Variants in KCNK9 observed in about 807,000 individuals in gnomAD.
KCNK9 encodes potassium channel subfamily K member 9.
A neutral mutation model predicts 10.8 loss-of-function variants in KCNK9; 1 was observed. The observed-to-expected ratio is 0.09, with a 90% confidence interval of 0.03 to 0.44. The LOEUF (loss-of-function observed/expected upper bound fraction) is 0.44. KCNK9 is among the 20% of genes least tolerant of loss of function. KCNK9 has a pLI of 0.97. For missense variants in KCNK9, 303 were observed against 515.0 expected, an observed-to-expected ratio of 0.59 and a Z score of 3.98; for synonymous variants, 231 against 222.7, an observed-to-expected ratio of 1.04 and a Z score of -0.33.
At chr8:139,663,831 C>T (rs1323801846) in intron 1 of KCNK9, among the ~76,000 whole-genome samples, 5 of 152,142 alleles carry the variant, frequency 3.3e-5, no homozygotes, top group Non-Finnish European at 5.9e-5. Flanking sequence ...CATTAGCAAA[C>T]GATTGCTGTC....
rs191966170 is a variant in KCNK9 at position 139,664,326 on chromosome 8, A to G, written c.283+38384T>C. On this transcript the variant is annotated intron_variant, in intron 1 of 1. Coordinates refer to ENST00000520439, the MANE Select transcript of KCNK9 (RefSeq NM_001282534.2). ...CTGCTGGTTCCACTCTTCAGCATGA[A>G]TCCTGCTGGTCCAGGGAGCTGCTCT... 1.7e-3 allele frequency among the ~76,000 whole-genome samples: 265 copies of G among 152,176 alleles called. 1 individual carries two copies. The highest frequency in any genetic ancestry group is 3.2e-3 in the Non-Finnish European group (217 of 68,012).
Position 139,685,793 on chromosome 8 carries a change from T to C in KCNK9, c.283+16917A>G, listed in dbSNP as rs189669798. ...CATGATTTATAACCCTTTGGGTATA[T>C]ACCCAGTAATGGCATTGCTGGGTCA... On this transcript the variant is annotated intron_variant, in intron 1 of 1. Coordinates refer to ENST00000520439, the MANE Select transcript of KCNK9 (RefSeq NM_001282534.2). Among the ~76,000 whole-genome samples, 146 of 152,358 alleles carry C rather than the reference T, an allele frequency of 9.6e-4. 2 individuals are homozygous for C. The highest frequency in any genetic ancestry group is 1.6e-3 in the Non-Finnish European group (112 of 68,036).
intron 1 of KCNK9, among the ~76,000 whole-genome samples, chr8:139,623,782 A>C (rs1472413504): frequency 6.6e-6 from 1 of 152,120 alleles, no homozygotes; most frequent in East Asian, 1.9e-4. Flanking sequence ...GGGGTCACTT[A>C]TCCCTTTGGC....
intron 1 of KCNK9, among the ~76,000 whole-genome samples, chr8:139,622,617 C>T (rs753642265): frequency 4.6e-5 from 7 of 152,196 alleles, no homozygotes; most frequent in Non-Finnish European, 5.9e-5. Flanking sequence ...TTGCTTCCCC[C>T]CAAACCTGCC....
intron 1 of KCNK9, among the ~76,000 whole-genome samples, chr8:139,658,476 C>A (rs184188637): frequency 3.3e-5 from 5 of 152,332 alleles, no homozygotes; most frequent in Non-Finnish European, 2.9e-5. Context: ...TCACGCCTGA[C>A]TTCCCTGCTG....
intron 2 of KCNK9, among the ~76,000 whole-genome samples, chr8:139,605,617 C>G (rs1292132895): frequency 2.6e-5 from 4 of 152,110 alleles, no homozygotes; most frequent in Non-Finnish European, 2.9e-5. Flanking sequence ...TGAAGAAAGA[C>G]CAAGATACAT....
chr8:139,658,776 GGC>G (rs1563739117), intron 1 of KCNK9, among the ~76,000 whole-genome samples: 4 of 152,230 alleles, frequency 2.6e-5, no homozygotes, highest in African/African-American at 4.8e-5. Flanking sequence ...CCAAGTGCAG[GGC>G]CAGTGTCCAG....
At chr8:139,672,738 C>T (rs75202596) in intron 1 of KCNK9, among the ~76,000 whole-genome samples, 5,771 of 152,302 alleles carry the variant, frequency 0.038, 223 homozygotes, top group African/African-American at 0.098. Context: ...GTCCTGTTTC[C>T]TCTCCAGAGA....
chr8:139,635,966 A>C (rs1255635450), intron 1 of KCNK9, among the ~76,000 whole-genome samples: 1 of 152,202 alleles, frequency 6.6e-6, no homozygotes, highest in South Asian at 2.1e-4. Flanking sequence ...CTTCAAGTAG[A>C]TGTGGCATGT....
intron 1 of KCNK9, among the ~76,000 whole-genome samples, chr8:139,689,643 AT>A (rs35831003): frequency 0.38 from 50,344 of 133,728 alleles, 8,982 homozygotes; most frequent in East Asian, 0.71. Flanking sequence ...CTTTGCCATC[AT>A]TTTTTTTTTT....
intron 1 of KCNK9, among the ~76,000 whole-genome samples, chr8:139,692,913 C>G (rs1171925007): frequency 6.6e-6 from 1 of 151,966 alleles, no homozygotes; most frequent in Non-Finnish European, 1.5e-5. Context: ...AATGTGGGAA[C>G]CAAGTGTCCA....
intron 1 of KCNK9, among the ~76,000 whole-genome samples, chr8:139,690,946 A>G (rs934747007): frequency 3.9e-5 from 6 of 152,210 alleles, no homozygotes; most frequent in African/African-American, 1.4e-4. Context: ...CATTCCTGGC[A>G]CACTGATGAA....
At chr8:139,611,878 T>C (rs1814436332), downstream of KCNK9, 1 of 152,138 alleles carries the variant, frequency 6.6e-6, no homozygotes, top group South Asian at 2.1e-4. Context: ...TCAATCACGG[T>C]GATAAGTGGC....
At chr8:139,625,656 A>G (rs1814948341) in intron 1 of KCNK9, among the ~76,000 whole-genome samples, 1 of 151,164 alleles carries the variant, frequency 6.6e-6, no homozygotes, top group South Asian at 2.1e-4. Flanking sequence ...GGTCTCTTTG[A>G]TCTGTCCTGG....
chr8:139,625,150 C>G (rs1814928638), intron 1 of KCNK9, among the ~76,000 whole-genome samples: 1 of 147,412 alleles, frequency 6.8e-6, no homozygotes, highest in African/African-American at 2.7e-5. Flanking sequence ...GCGTGCAGCC[C>G]TTGGGGGTCA....
chr8:139,692,777 C>T (rs1014722893), intron 1 of KCNK9, among the ~76,000 whole-genome samples: 1 of 152,228 alleles, frequency 6.6e-6, no homozygotes, highest in African/African-American at 2.4e-5. Context: ...CAGCTCCCCC[C>T]CACGTCCAAC....
Position 139,606,745 on chromosome 8 carries a change from A to G in KCNK9, c.*1-5144T>C, listed in dbSNP as rs551744711. 5.9e-5 allele frequency among the ~76,000 whole-genome samples: 9 copies of G among 152,342 alleles called. No individual in the cohort carries two copies. The South Asian group carries it at 1.0e-3, about 18-fold the overall frequency. On this transcript the variant is annotated intron_variant, in intron 2 of 2. Coordinates refer to the KCNK9 transcript ENST00000650269. ...GGCTTAAATTCTACTCATCTTTGAT[A>G]TCTCTGTCCCGTGTCTCTGTTTAAC...
At chr8:139,610,300 A>C (rs1248829234), downstream of KCNK9, among the ~76,000 whole-genome samples, 2 of 152,150 alleles carry the variant, frequency 1.3e-5, no homozygotes, top group African/African-American at 4.8e-5. Context: ...TGAGGGGAAC[A>C]AGTGCCCACA....
intron 1 of KCNK9, among the ~76,000 whole-genome samples, chr8:139,663,716 T>C (rs1208606079): frequency 1.3e-5 from 2 of 149,514 alleles, no homozygotes; most frequent in African/African-American, 5.0e-5. Flanking sequence ...AAGGTGCTTT[T>C]GTGCCAATTC....
Sources: gnomAD v4.1 joint callset for allele counts (sites outside exome capture counted in the v4.1 genomes callset) on GRCh38, gnomAD v4.1.1 for gene constraint, MANE v1.5 for transcripts, NCBI Gene and HGNC (gene_info 2026-07-23, HGNC 2026-07-21) for gene names.